GRIK2: variants seen among roughly 807,000 people sequenced by gnomAD.
The protein encoded by GRIK2 is glutamate ionotropic receptor kainate type subunit 2, also known as glutamate receptor ionotropic, kainate 2.
GRIK2 carries 32 observed loss-of-function variants against 100.3 expected under a neutral mutation model. The observed-to-expected ratio is 0.32, with a 90% CI of 0.24 to 0.43. The LOEUF is 0.43. Among genes scored for constraint, GRIK2 ranks in the 20% least tolerant of loss-of-function variants. The pLI, the probability that GRIK2 is intolerant of heterozygous loss-of-function variation, is 1.00. For synonymous variants in GRIK2, 417 were observed against 389.4 expected (o/e 1.07, Z -0.83); for missense variants, 843 against 1,114.9 (o/e 0.76, Z 3.47).
intron 2 of GRIK2, among the ~76,000 whole-genome samples, chr6:101,562,528 A>G (rs971009559): frequency 6.6e-6 from 1 of 151,664 alleles, no homozygotes; most frequent in Non-Finnish European, 1.5e-5. Flanking sequence ...TTTTTAGTAG[A>G]TATGGGGTTT....
Position 102,035,574 on chromosome 6 carries a change from A to G in GRIK2, c.2311+8A>G. 2 of 1,454,692 alleles carry G rather than the reference A, an allele frequency of 1.4e-6. No individual in the cohort carries two copies. The highest frequency in any genetic ancestry group is 1.9e-6 in the Non-Finnish European group (2 of 1,036,884). 90.1% of individuals were successfully genotyped at this position (1,454,692 alleles called of 1,614,324 possible). A position where few individuals can be genotyped will look rare whatever the true frequency, so the allele number is the denominator to read the frequency against. ...GCGTTGGCACTCCCATGGGTAGGTT[A>G]TATGTCAGCTCTTTGTTCTTTGTTC... On this transcript the variant is annotated splice_region_variant and intron_variant, in intron 15 of 16. Coordinates refer to ENST00000369134, the MANE Select transcript of GRIK2 (RefSeq NM_021956.5).
At chr6:102,034,865 A>T (rs1441378645) in intron 14 of GRIK2, among the ~76,000 whole-genome samples, 1 of 151,400 alleles carries the variant, frequency 6.6e-6, no homozygotes, top group Non-Finnish European at 1.5e-5. Context: ...TTAATGTAGC[A>T]TCTGTGTTAC....
chr6:101,887,132 C>T (rs1161553956), intron 11 of GRIK2, among the ~76,000 whole-genome samples: 1 of 151,774 alleles, frequency 6.6e-6, no homozygotes, highest in Non-Finnish European at 1.5e-5. Flanking sequence ...CTGGCCTCTT[C>T]TCTCTACTTC....
At chr6:101,453,374 G>C (rs1345559521) in intron 2 of GRIK2, among the ~76,000 whole-genome samples, 1 of 151,862 alleles carries the variant, frequency 6.6e-6, no homozygotes, top group Non-Finnish European at 1.5e-5. Flanking sequence ...GTTTGGAATT[G>C]CCAGCTTTGA....
chr6:101,957,475 A>T (rs1007458587), intron 14 of GRIK2, among the ~76,000 whole-genome samples: 1 of 150,960 alleles, frequency 6.6e-6, no homozygotes, highest in Admixed American at 6.6e-5. Flanking sequence ...TTATTTATTT[A>T]TTTTTATTAT....
chr6:101,470,817 C>A (rs1225173314), intron 2 of GRIK2, among the ~76,000 whole-genome samples: 5 of 152,044 alleles, frequency 3.3e-5, no homozygotes, highest in Admixed American at 6.6e-5. Context: ...GTAGAGAAAA[C>A]AATCCATCAA....
At chr6:101,782,127 T>C (rs781620957) in intron 7 of GRIK2, among the ~76,000 whole-genome samples, 4 of 152,218 alleles carry the variant, frequency 2.6e-5, no homozygotes, top group Non-Finnish European at 4.4e-5. Context: ...GGATATTCAC[T>C]ACTTCTAGCA....
At chr6:102,015,550 C>G (rs373704939) in intron 14 of GRIK2, among the ~76,000 whole-genome samples, 1 of 152,164 alleles carries the variant, frequency 6.6e-6, no homozygotes, top group Non-Finnish European at 1.5e-5. Flanking sequence ...AGGTCCTTTG[C>G]CCCCCAGATC....
At chr6:101,751,186 A>G (rs1397557867) in intron 7 of GRIK2, among the ~76,000 whole-genome samples, 1 of 151,820 alleles carries the variant, frequency 6.6e-6, no homozygotes, top group Non-Finnish European at 1.5e-5. Flanking sequence ...TGATTCTCTC[A>G]CCTTGGCTTC....
At chr6:101,777,103 A>C (rs1353131330) in intron 7 of GRIK2, among the ~76,000 whole-genome samples, 2 of 152,088 alleles carry the variant, frequency 1.3e-5, no homozygotes, top group Non-Finnish European at 2.9e-5. Flanking sequence ...CTGGTAAAGA[A>C]CTCTGTTTCA....
At chr6:101,493,792 A>C (rs1400391790) in intron 2 of GRIK2, among the ~76,000 whole-genome samples, 1 of 151,130 alleles carries the variant, frequency 6.6e-6, no homozygotes, top group Non-Finnish European at 1.5e-5. Flanking sequence ...ATTATTTTTC[A>C]GCCTACTTAG....
chr6:102,013,306 T>C (rs780265624), intron 14 of GRIK2, among the ~76,000 whole-genome samples: 1 of 152,174 alleles, frequency 6.6e-6, no homozygotes, highest in Non-Finnish European at 1.5e-5. Flanking sequence ...CTTGCTGAGG[T>C]TGTTTACCAA....
intron 14 of GRIK2, among the ~76,000 whole-genome samples, chr6:101,988,599 C>T (rs1163738716): frequency 6.6e-6 from 1 of 151,774 alleles, no homozygotes; most frequent in African/African-American, 2.4e-5. Context: ...AAAGTGCTTG[C>T]CTCATAGGCT....
chr6:101,715,854 C>A (rs528240232), intron 7 of GRIK2, among the ~76,000 whole-genome samples: 1 of 151,932 alleles, frequency 6.6e-6, no homozygotes, highest in African/African-American at 2.4e-5. Context: ...CTAAACAAGT[C>A]ATCACTGACC....
intron 14 of GRIK2, among the ~76,000 whole-genome samples, chr6:102,009,464 A>G (rs1430162023): frequency 6.6e-6 from 1 of 152,108 alleles, no homozygotes; most frequent in African/African-American, 2.4e-5. Flanking sequence ...AAGGTTCTTC[A>G]TGCATCTCCA....
intron 2 of GRIK2, among the ~76,000 whole-genome samples, chr6:101,477,600 G>A (rs553758361): frequency 3.9e-5 from 6 of 152,266 alleles, no homozygotes; most frequent in East Asian, 1.9e-4. Flanking sequence ...GGGTACTTAC[G>A]TTCATTCTAG....
At chr6:101,991,323 C>T (rs1009453049) in intron 14 of GRIK2, among the ~76,000 whole-genome samples, 11 of 150,844 alleles carry the variant, frequency 7.3e-5, no homozygotes, top group South Asian at 4.2e-4. Context: ...GTAACTTGTT[C>T]AGTGACAGGC....
chr6:101,638,975 A>T (rs905846387), intron 4 of GRIK2, among the ~76,000 whole-genome samples: 2 of 152,140 alleles, frequency 1.3e-5, no homozygotes, highest in Non-Finnish European at 2.9e-5. Flanking sequence ...CAACAAAGTC[A>T]GATTCTGTTT....
Position 101,799,806 on chromosome 6 carries a change from G to C in GRIK2, c.1095+15G>C. On this transcript the variant is annotated intron_variant, in intron 8 of 16. Coordinates refer to ENST00000369134, the MANE Select transcript of GRIK2 (RefSeq NM_021956.5). ...TAATTAAAGAGGTAAGTTAGGAGAA[G>C]AACATCTGCCTTGTCTCTTTTGTTG... is the stretch of plus-strand genomic sequence containing the variant. 6.2e-7 allele frequency: 1 copy of C among 1,603,228 alleles called. No homozygotes were observed. Among genetic ancestry groups the C allele is most frequent in the South Asian group, 1.1e-5 (1 of 90,742 alleles).
Sources: allele counts gnomAD v4.1 joint callset (sites outside exome capture counted in the v4.1 genomes callset), GRCh38; gene constraint gnomAD v4.1.1; transcripts MANE v1.5; gene names NCBI Gene and HGNC (gene_info 2026-07-23, HGNC 2026-07-21).